CTNNA3: variants seen among roughly 807,000 people sequenced by gnomAD.
CTNNA3 encodes catenin alpha-3.
In CTNNA3, 76 loss-of-function variants were observed where a neutral mutation model predicts 95.7. That is an observed-to-expected ratio of 0.79 (90% CI 0.66 to 0.96). The LOEUF (loss-of-function observed/expected upper bound fraction) is 0.96. Ranked by LOEUF, CTNNA3 falls within the 40% of genes least tolerant of loss-of-function variation. The pLI is 0.00. For missense variants in CTNNA3, 1,191 were observed against 1,089.8 expected (o/e 1.09, Z -1.31); for synonymous variants, 431 against 374.4 (o/e 1.15, Z -1.74).
At chr10:66,056,478 G>A (rs1431992994) in intron 15 of CTNNA3, among the ~76,000 whole-genome samples, 1 of 151,958 alleles carries the variant, frequency 6.6e-6, no homozygotes, top group African/African-American at 2.4e-5. Context: ...CAGAGGTATT[G>A]GCCTGTCATT....
At chr10:66,670,865 T>G in intron 9 of CTNNA3, among the ~76,000 whole-genome samples, 1 of 152,210 alleles carries the variant, frequency 6.6e-6, no homozygotes, top group East Asian at 1.9e-4. Flanking sequence ...GATTTATATT[T>G]CTCAGTCTAT....
chr10:67,426,823 G>C (rs999681052), intron 5 of CTNNA3, among the ~76,000 whole-genome samples: 1 of 151,384 alleles, frequency 6.6e-6, no homozygotes, highest in African/African-American at 2.4e-5. Context: ...AAAAAAGAAA[G>C]TTGTTAAGTA....
intron 7 of CTNNA3, among the ~76,000 whole-genome samples, chr10:67,081,490 A>C (rs1297350506): frequency 6.6e-6 from 1 of 152,230 alleles, no homozygotes; most frequent in Non-Finnish European, 1.5e-5. Flanking sequence ...TGTGGCTCAG[A>C]GAGGTTAATT....
intron 3 of CTNNA3, among the ~76,000 whole-genome samples, chr10:67,547,559 A>T (rs1002673942): frequency 2.0e-5 from 3 of 152,154 alleles, no homozygotes; most frequent in African/African-American, 7.2e-5. Flanking sequence ...AGTAAGGTCA[A>T]ATTTGGCCCT....
intron 13 of CTNNA3, among the ~76,000 whole-genome samples, chr10:66,154,718 T>TTATATATATATATATATATATATA (rs1564706824): frequency 2.2e-3 from 36 of 16,398 alleles, no homozygotes; most frequent in African/African-American, 7.5e-3. Flanking sequence ...TTGAAAAAGT[T>TTATATATATATATATATATATATA]CATATATATA....
chr10:67,246,297 T>C, intron 5 of CTNNA3, among the ~76,000 whole-genome samples: 1 of 152,190 alleles, frequency 6.6e-6, no homozygotes, highest in East Asian at 1.9e-4. Context: ...TAAAATAAAT[T>C]AGCATTCTTG....
intron 5 of CTNNA3, among the ~76,000 whole-genome samples, chr10:67,307,371 T>A (rs1376821054): frequency 6.6e-6 from 1 of 152,228 alleles, no homozygotes; most frequent in South Asian, 2.1e-4. Context: ...TTAAAAGTCA[T>A]AGCATATCGT....
chr10:67,505,960 A>G (rs1346903231), intron 5 of CTNNA3, among the ~76,000 whole-genome samples: 1 of 152,230 alleles, frequency 6.6e-6, no homozygotes, highest in East Asian at 1.9e-4. Flanking sequence ...CAGTTAAAAA[A>G]GAAATGCAAT....
chr10:67,740,815 A>G (rs1841332738), intron 1 of CTNNA3, among the ~76,000 whole-genome samples: 1 of 151,438 alleles, frequency 6.6e-6, no homozygotes. Context: ...CTGGGTAAAT[A>G]TCCAAAGGAC....
intron 10 of CTNNA3, among the ~76,000 whole-genome samples, chr10:66,571,066 T>C (rs1440916712): frequency 6.6e-6 from 1 of 152,174 alleles, no homozygotes; most frequent in Non-Finnish European, 1.5e-5. Flanking sequence ...AAGATAGTAA[T>C]CAAGGTAACT....
chr10:67,078,374 T>G (rs189918379), intron 7 of CTNNA3, among the ~76,000 whole-genome samples: 1 of 152,306 alleles, frequency 6.6e-6, no homozygotes. Flanking sequence ...GAATATTTGT[T>G]CTGTAAGGAA....
intron 5 of CTNNA3, among the ~76,000 whole-genome samples, chr10:67,471,588 G>T (rs887964375): frequency 1.3e-5 from 2 of 152,086 alleles, no homozygotes; most frequent in Non-Finnish European, 2.9e-5. Flanking sequence ...AAGAAAAAAA[G>T]AACTGGATTC....
chr10:66,619,892 T>C (rs1409414167), intron 10 of CTNNA3, among the ~76,000 whole-genome samples: 2 of 152,032 alleles, frequency 1.3e-5, no homozygotes, highest in Non-Finnish European at 2.9e-5. Flanking sequence ...CAAATATATA[T>C]TAGACAATGG....
intron 7 of CTNNA3, among the ~76,000 whole-genome samples, chr10:66,825,526 C>T (rs1842476579): frequency 6.6e-6 from 1 of 151,992 alleles, no homozygotes; most frequent in Admixed American, 6.6e-5. Context: ...GATCTACCCG[C>T]CTCAGCCTCC....
chr10:67,685,799 T>C (rs1840720502), intron 1 of CTNNA3, among the ~76,000 whole-genome samples: 1 of 152,208 alleles, frequency 6.6e-6, no homozygotes, highest in African/African-American at 2.4e-5. Flanking sequence ...TCTGTCTGTC[T>C]CTTTCTCTCT....
At chr10:66,176,832 T>C (rs1163182837) in intron 13 of CTNNA3, among the ~76,000 whole-genome samples, 1 of 152,090 alleles carries the variant, frequency 6.6e-6, no homozygotes, top group Non-Finnish European at 1.5e-5. Flanking sequence ...ACACGGTTTA[T>C]GGCATTTTGT....
intron 7 of CTNNA3, among the ~76,000 whole-genome samples, chr10:67,076,895 G>T (rs928874377): frequency 9.9e-5 from 15 of 152,064 alleles, no homozygotes; most frequent in African/African-American, 3.4e-4. Context: ...CTCTAGAATT[G>T]AACAAAGTAC....
intron 5 of CTNNA3, among the ~76,000 whole-genome samples, chr10:67,456,920 T>C (rs181897026): frequency 6.6e-6 from 1 of 151,988 alleles, no homozygotes; most frequent in African/African-American, 2.4e-5. Flanking sequence ...GCGAGCCCCC[T>C]CCAAACAAAC....
chr10:66,542,360 A>G (rs2132079952), intron 10 of CTNNA3, among the ~76,000 whole-genome samples: 1 of 152,198 alleles, frequency 6.6e-6, no homozygotes, highest in East Asian at 1.9e-4. Flanking sequence ...AACTAGAAAT[A>G]CCATTTGACC....
Sources: allele counts gnomAD v4.1 joint callset (sites outside exome capture counted in the v4.1 genomes callset), GRCh38; gene constraint gnomAD v4.1.1; transcripts MANE v1.5; gene names NCBI Gene and HGNC (gene_info 2026-07-23, HGNC 2026-07-21).